Variants in ERBB4 observed in about 807,000 individuals in gnomAD.
ERBB4 encodes receptor tyrosine-protein kinase erbB-4.
In ERBB4, 42 loss-of-function variants were observed where a neutral mutation model predicts 158.0. That is an observed-to-expected ratio of 0.27 (90% confidence interval 0.21 to 0.34). The LOEUF is 0.34. Among genes scored for constraint, ERBB4 ranks in the 10% least tolerant of loss-of-function variants. The pLI, the probability that ERBB4 is intolerant of heterozygous loss-of-function variation, is 1.00. For synonymous variants in ERBB4, 583 were observed against 558.7 expected (o/e 1.04, Z -0.61); for missense variants, 1,333 against 1,624.1 (o/e 0.82, Z 3.08).
chr2:212,017,466 A>G (rs1337592542), intron 2 of ERBB4, among the ~76,000 whole-genome samples: 2 of 152,158 alleles, frequency 1.3e-5, no homozygotes, highest in East Asian at 1.9e-4. Flanking sequence ...ATAATGTAAT[A>G]AAACTTATTT....
chr2:212,141,895 C>T (rs1330995635), intron 1 of ERBB4, among the ~76,000 whole-genome samples: 1 of 152,078 alleles, frequency 6.6e-6, no homozygotes, highest in African/African-American at 2.4e-5. Flanking sequence ...TAAATCAGAT[C>T]ACTAATCTTC....
chr2:212,405,564 A>T (rs1356044390), intron 1 of ERBB4, among the ~76,000 whole-genome samples: 1 of 152,078 alleles, frequency 6.6e-6, no homozygotes, highest in East Asian at 1.9e-4. Context: ...GTGCATTTGG[A>T]GATGAATACA....
At chr2:211,837,783 T>C (rs1358898965) in intron 3 of ERBB4, among the ~76,000 whole-genome samples, 4 of 152,128 alleles carry the variant, frequency 2.6e-5, no homozygotes, top group Non-Finnish European at 5.9e-5. Flanking sequence ...CATTTACTAA[T>C]GTTGTCATTT....
intron 20 of ERBB4, among the ~76,000 whole-genome samples, chr2:211,537,317 CAATTTGTTTGG>C (rs1206472175): frequency 7.4e-6 from 1 of 135,344 alleles, no homozygotes; most frequent in Non-Finnish European, 1.6e-5. Context: ...AGGTCTGGCT[CAATTTGTTTGG>C]AAATTTCTAT....
intron 2 of ERBB4, among the ~76,000 whole-genome samples, chr2:212,075,897 A>G (rs769892157): frequency 6.6e-6 from 1 of 151,888 alleles, no homozygotes. Context: ...AACATTTTTT[A>G]TTTCTTCTAT....
intron 16 of ERBB4, among the ~76,000 whole-genome samples, chr2:211,633,060 G>A (rs1380944150): frequency 6.6e-6 from 1 of 152,014 alleles, no homozygotes; most frequent in Non-Finnish European, 1.5e-5. Context: ...CAAGAGGAGG[G>A]AATATTCCAT....
chr2:212,051,105 G>A (rs2077387437), intron 2 of ERBB4, among the ~76,000 whole-genome samples: 1 of 152,176 alleles, frequency 6.6e-6, no homozygotes, highest in East Asian at 1.9e-4. Context: ...CTGCAGACAT[G>A]TTTAGAAAGA....
chr2:212,473,722 G>A (rs894448224), intron 1 of ERBB4, among the ~76,000 whole-genome samples: 2 of 151,810 alleles, frequency 1.3e-5, no homozygotes, highest in Admixed American at 1.3e-4. Context: ...TTGGTATATG[G>A]ATAAAACTAC....
chr2:211,845,993 T>C (rs916832859), intron 3 of ERBB4, among the ~76,000 whole-genome samples: 2 of 152,028 alleles, frequency 1.3e-5, no homozygotes, highest in African/African-American at 4.8e-5. Flanking sequence ...GAGAAAGCAC[T>C]ATTTCCAACA....
intron 1 of ERBB4, among the ~76,000 whole-genome samples, chr2:212,471,017 C>T (rs1238343428): frequency 6.6e-6 from 1 of 151,924 alleles, no homozygotes; most frequent in Non-Finnish European, 1.5e-5. Context: ...TACACAGGAC[C>T]TAGACAAGAA....
chr2:211,700,871 T>A (rs2073209191), intron 12 of ERBB4, among the ~76,000 whole-genome samples: 1 of 152,198 alleles, frequency 6.6e-6, no homozygotes, highest in South Asian at 2.1e-4. Context: ...ACAAGAATAT[T>A]CATTTGCAAA....
At chr2:212,378,832 A>G (rs934592033) in intron 1 of ERBB4, among the ~76,000 whole-genome samples, 1 of 151,846 alleles carries the variant, frequency 6.6e-6, no homozygotes, top group Non-Finnish European at 1.5e-5. Context: ...ACAGACATGC[A>G]GTAGTAGGCA....
chr2:211,712,693 C>T (rs551762985), intron 8 of ERBB4, among the ~76,000 whole-genome samples: 66 of 151,820 alleles, frequency 4.3e-4, no homozygotes, highest in African/African-American at 1.4e-3. Context: ...AAATCAAGGG[C>T]CATTCAAATA....
chr2:212,509,860 C>A (rs1691409968), intron 1 of ERBB4, among the ~76,000 whole-genome samples: 1 of 151,868 alleles, frequency 6.6e-6, no homozygotes, highest in Non-Finnish European at 1.5e-5. Flanking sequence ...GTTTCATTTT[C>A]ATTAGTGCTT....
In ERBB4 at chr2:211,861,156, T is replaced by A. The variant is rs1165112699; in HGVS notation, c.422-72997A>T. Among the ~76,000 whole-genome samples, 98 of 28,456 alleles carry A rather than the reference T, an allele frequency of 3.4e-3. 9 individuals carry two copies. The highest frequency in any genetic ancestry group is 1.0e-2 in the African/African-American group (91 of 9,138). 18.7% of individuals were successfully genotyped at this position (28,456 alleles called of 152,430 possible). On this transcript the variant is annotated intron_variant, in intron 3 of 27. Coordinates refer to ENST00000342788, the MANE Select transcript of ERBB4 (RefSeq NM_005235.3). ...TATATATATATATATATATATATATTAAAAAAAAGTAGTTTTTTTTTTTTT... is the reference window on the plus strand; with the variant it reads ...TATATATATATATATATATATATATAAAAAAAAAGTAGTTTTTTTTTTTTT...
intron 20 of ERBB4, among the ~76,000 whole-genome samples, chr2:211,436,374 T>A (rs1036021777): frequency 3.4e-5 from 5 of 145,442 alleles, no homozygotes; most frequent in African/African-American, 1.3e-4. Context: ...CTGTGGTCAA[T>A]TGCCTGTTTC....
chr2:211,603,979 G>T (rs1184885191), intron 19 of ERBB4, among the ~76,000 whole-genome samples: 1 of 152,094 alleles, frequency 6.6e-6, no homozygotes, highest in Admixed American at 6.5e-5. Flanking sequence ...TCTTTTGATT[G>T]AACTATTACA....
At chr2:211,819,860 T>C (rs955209938) in intron 3 of ERBB4, among the ~76,000 whole-genome samples, 1 of 151,770 alleles carries the variant, frequency 6.6e-6, no homozygotes, top group Non-Finnish European at 1.5e-5. Flanking sequence ...GAGTAGGAAA[T>C]AGATTTTGTT....
At chr2:212,473,680 T>A (rs1347916593) in intron 1 of ERBB4, among the ~76,000 whole-genome samples, 1 of 152,140 alleles carries the variant, frequency 6.6e-6, no homozygotes, top group Non-Finnish European at 1.5e-5. Flanking sequence ...ATCCATTTTT[T>A]ATAACTTTGG....
Sources: gnomAD v4.1 joint callset for allele counts (sites outside exome capture counted in the v4.1 genomes callset) on GRCh38, gnomAD v4.1.1 for gene constraint, MANE v1.5 for transcripts, NCBI Gene and HGNC (gene_info 2026-07-23, HGNC 2026-07-21) for gene names.